PCTP: variants seen among roughly 807,000 people sequenced by gnomAD.
The protein encoded by PCTP is START domain-containing protein 2.
In PCTP, 27 loss-of-function variants were observed where a neutral mutation model predicts 31.0. That is an observed-to-expected ratio of 0.87 (90% CI 0.64 to 1.20). The LOEUF (loss-of-function observed/expected upper bound fraction) is 1.20, where lower values mean the gene tolerates loss of function less well. PCTP is among the 50% of genes most tolerant of loss of function. PCTP has a pLI of 0.00. For synonymous variants in PCTP, 108 were observed against 101.2 expected, an observed-to-expected ratio of 1.07 and a Z score of -0.40; for missense variants, 287 against 268.2, an observed-to-expected ratio of 1.07 and a Z score of -0.49.
chr17:55,817,284 C>T (rs1351827403), intron 3 of PCTP, among the ~76,000 whole-genome samples: 1 of 152,212 alleles, frequency 6.6e-6, no homozygotes, highest in Non-Finnish European at 1.5e-5. Context: ...CCTGACCTCA[C>T]AGCTTTCTCT....
At chr17:55,775,219 C>T (rs971084252) in intron 5 of PCTP, 8 of 1,266,700 alleles carry the variant, frequency 6.3e-6, no homozygotes, top group African/African-American at 6.1e-5. Context: ...ACAGACTGAC[C>T]TGGCTTGGAG....
chr17:55,810,755 G>A (rs1262873109), intron 3 of PCTP, among the ~76,000 whole-genome samples: 1 of 152,214 alleles, frequency 6.6e-6, no homozygotes, highest in African/African-American at 2.4e-5. Flanking sequence ...ACCATAGTCA[G>A]GAGGGAAATT....
At chr17:55,768,605 A>G (rs1250534809) in intron 2 of PCTP, among the ~76,000 whole-genome samples, 5 of 152,138 alleles carry the variant, frequency 3.3e-5, no homozygotes, top group Admixed American at 2.6e-4. Flanking sequence ...TTCTACTACT[A>G]CTATTGTTAG....
chr17:55,760,529 G>T (rs544926562), intron 1 of PCTP, among the ~76,000 whole-genome samples: 1 of 152,282 alleles, frequency 6.6e-6, no homozygotes, highest in Admixed American at 6.5e-5. Context: ...GTGAATCTGA[G>T]CCCATGCTAT....
intron 1 of PCTP, among the ~76,000 whole-genome samples, chr17:55,754,841 G>A (rs62080724): frequency 0.11 from 16,535 of 152,052 alleles, 997 homozygotes; most frequent in African/African-American, 0.15. Flanking sequence ...ACCTGTGTGC[G>A]CGCGTGTGTG....
downstream of PCTP, among the ~76,000 whole-genome samples, chr17:55,847,088 T>G (rs964999275): frequency 6.6e-6 from 1 of 152,214 alleles, no homozygotes; most frequent in African/African-American, 2.4e-5. Context: ...GAGACTAAAA[T>G]AGGCCTCCCT....
chr17:55,819,599 C>A (rs1598016301), intron 3 of PCTP, among the ~76,000 whole-genome samples: 2 of 150,186 alleles, frequency 1.3e-5, no homozygotes, highest in Admixed American at 1.3e-4. Context: ...AATAAATAAA[C>A]AAAAAATTAG....
At chr17:55,775,182 A>G in intron 5 of PCTP, 1 of 1,237,676 alleles carries the variant, frequency 8.1e-7, no homozygotes, top group Non-Finnish European at 1.0e-6. Flanking sequence ...TTTGGAGCCT[A>G]TATTCCTCTG....
chr17:55,767,361 C>G lies in PCTP; in HGVS notation c.168C>G (p.Val56=). 1.2e-6 allele frequency: 2 copies of G among 1,612,324 alleles called. No homozygotes were observed. The highest frequency in any genetic ancestry group is 8.5e-7 in the Non-Finnish European group (1 of 1,178,556). The change falls in exon 2 of 6, where the codon GTC becomes GTG. Residue 56 remains valine (V), a synonymous_variant. Transcript: ENST00000268896. ...AGACTGGACTTTATGAGTATAAAGT[C>G]TTTGGTGTTCTGGAGGACTGCTCAC... The part of the protein sequence containing the change: ...DKKTGLYEYK[V]FGVLEDCSPT...
At chr17:55,800,955 T>A (rs1035540156) in intron 3 of PCTP, among the ~76,000 whole-genome samples, 1 of 151,894 alleles carries the variant, frequency 6.6e-6, no homozygotes, top group Non-Finnish European at 1.5e-5. Context: ...ACCAGTGGAG[T>A]CTGCAGAATA....
At chr17:55,772,795 C>T (rs564450504) in intron 3 of PCTP, among the ~76,000 whole-genome samples, 1 of 152,184 alleles carries the variant, frequency 6.6e-6, no homozygotes, top group East Asian at 1.9e-4. Context: ...GGTTTTGGAG[C>T]CAGATCTGGG....
In PCTP at chr17:55,773,919, T is replaced by A. The variant is rs769498208; in HGVS notation, c.511+24T>A. On this transcript the variant is annotated intron_variant, in intron 4 of 5. Transcript: ENST00000268896. ...AGGTAAAACCCATGGTGCCTGTCAG[T>A]GCACCCAGCCAGGGGTCCCCCACGG... 4.5e-5 allele frequency: 71 copies of A among 1,570,540 alleles called. 2 individuals carry two copies. The East Asian group carries it at 1.6e-3, about 35-fold the overall frequency.
At position 55,828,094 on chromosome 17, in the gene PCTP, G is replaced by C. The variant is rs375755073; in HGVS notation, n.505+5167G>C. 2.8e-4 allele frequency among the ~76,000 whole-genome samples: 42 copies of C among 152,318 alleles called. 1 individual carries two copies. The South Asian group carries it at 8.1e-3, about 29-fold the overall frequency. The stretch of plus-strand genomic sequence containing the variant: ...CTCTGGGGTGGGAAGCAAAGGAACA[G>C]AAAATTGGTATGCTAAACCCTTCTA... On this transcript the variant is annotated intron_variant and non_coding_transcript_variant, in intron 5 of 5. Transcript: ENST00000576221.
chr17:55,823,789 C>T (rs534960246), downstream of PCTP, among the ~76,000 whole-genome samples: 1 of 152,322 alleles, frequency 6.6e-6, no homozygotes, highest in South Asian at 2.1e-4. Flanking sequence ...CTGCATCAGC[C>T]CCAGCCTGGC....
chr17:55,767,376 G>A lies in PCTP; in HGVS notation c.183G>A (p.Glu61=), dbSNP rs1054909416. The stretch of plus-strand genomic sequence containing the variant: ...AGTATAAAGTCTTTGGTGTTCTGGA[G>A]GACTGCTCACCAACTCTACTGGCAG... ...LYEYKVFGVL[E]DCSPTLLADI... Residue 61 remains glutamate (E), a synonymous_variant, in exon 2 of 6, where the codon GAG becomes GAA. Coordinates refer to ENST00000268896, the MANE Select transcript of PCTP (RefSeq NM_021213.4). The A allele has an allele frequency of 3.7e-6, 6 of 1,613,194 alleles. No individual in the cohort carries two copies. In the African/African-American group the frequency reaches 8.0e-5, roughly 22 times the overall value.
chr17:55,763,800 A>T (rs1203296499), intron 1 of PCTP, among the ~76,000 whole-genome samples: 1 of 152,194 alleles, frequency 6.6e-6, no homozygotes, highest in Non-Finnish European at 1.5e-5. Context: ...TGAAGTAAAA[A>T]TGAGTGTGGT....
At chr17:55,802,607 G>A (rs1443316216) in intron 3 of PCTP, among the ~76,000 whole-genome samples, 1 of 152,008 alleles carries the variant, frequency 6.6e-6, no homozygotes, top group East Asian at 1.9e-4. Context: ...TAAAACCAAT[G>A]ACAAAAACCA....
chr17:55,798,245 C>G (rs1598004435), intron 3 of PCTP, among the ~76,000 whole-genome samples: 1 of 151,916 alleles, frequency 6.6e-6, no homozygotes, highest in African/African-American at 2.4e-5. Flanking sequence ...ATAAAAATGT[C>G]TAAACTGCAA....
intron 3 of PCTP, among the ~76,000 whole-genome samples, chr17:55,792,366 C>T (rs866917933): frequency 3.3e-4 from 49 of 150,084 alleles, no homozygotes; most frequent in African/African-American, 1.1e-3. Context: ...TATTTCTAAA[C>T]ACTTTCTCAA....
Sources: gnomAD v4.1 joint callset for allele counts (sites outside exome capture counted in the v4.1 genomes callset) on GRCh38, gnomAD v4.1.1 for gene constraint, MANE v1.5 for transcripts, NCBI Gene and HGNC (gene_info 2026-07-23, HGNC 2026-07-21) for gene names.